ZMAT4: variants seen among roughly 807,000 people sequenced by gnomAD.
The protein encoded by ZMAT4 is zinc finger matrin-type protein 4.
Under a neutral mutation model 28.7 loss-of-function variants are expected in ZMAT4, and 17 were observed. That is an observed-to-expected ratio of 0.59 (90% CI 0.41 to 0.89). ZMAT4 has a LOEUF of 0.89. Ranked by LOEUF, ZMAT4 falls within the 40% of genes least tolerant of loss-of-function variation. The pLI, the probability that ZMAT4 is intolerant of heterozygous loss-of-function variation, is 0.00. For synonymous variants in ZMAT4, 117 were observed against 109.2 expected (o/e 1.07, Z -0.44); for missense variants, 240 against 283.8 (o/e 0.85, Z 1.11).
At chr8:40,786,821 GAA>G in intron 2 of ZMAT4, 1 of 1,061,370 alleles carries the variant, frequency 9.4e-7, no homozygotes, top group Non-Finnish European at 1.3e-6. Context: ...GCTTACAGAA[GAA>G]AATTGGGATT....
chr8:40,711,623 G>A (rs1324774278), intron 3 of ZMAT4, among the ~76,000 whole-genome samples: 2 of 152,114 alleles, frequency 1.3e-5, no homozygotes, highest in African/African-American at 4.8e-5. Flanking sequence ...TAGGTAAATG[G>A]TAAAGAATAA....
intron 2 of ZMAT4, among the ~76,000 whole-genome samples, chr8:40,801,999 C>T (rs551003159): frequency 6.6e-6 from 1 of 152,208 alleles, no homozygotes; most frequent in Admixed American, 6.5e-5. Context: ...TTAAAAGATG[C>T]AGAAAAAACA....
At chr8:40,751,898 G>C (rs1812468788) in intron 3 of ZMAT4, among the ~76,000 whole-genome samples, 1 of 152,128 alleles carries the variant, frequency 6.6e-6, no homozygotes, top group Admixed American at 6.5e-5. Context: ...AACCCCCCCT[G>C]TGCAAAATGC....
At chr8:40,819,141 T>A (rs1815651664) in intron 2 of ZMAT4, among the ~76,000 whole-genome samples, 1 of 152,002 alleles carries the variant, frequency 6.6e-6, no homozygotes, top group African/African-American at 2.4e-5. Context: ...ATATACATGT[T>A]TTGGCATGTC....
At chr8:40,894,513 G>A (rs919333645) in intron 1 of ZMAT4, among the ~76,000 whole-genome samples, 12 of 152,176 alleles carry the variant, frequency 7.9e-5, no homozygotes, top group African/African-American at 1.2e-4. Flanking sequence ...GAAGGGGCAC[G>A]AGCATGGGAA....
intron 1 of ZMAT4, among the ~76,000 whole-genome samples, chr8:40,851,525 T>C (rs1229557481): frequency 6.6e-6 from 1 of 152,212 alleles, no homozygotes; most frequent in African/African-American, 2.4e-5. Flanking sequence ...AGGTAAGATG[T>C]TAACACTGGG....
intron 4 of ZMAT4, chr8:40,697,037 G>A (rs1052599866): frequency 2.1e-6 from 1 of 482,122 alleles, no homozygotes; most frequent in Non-Finnish European, 3.6e-6. Context: ...AAGGAACTAG[G>A]GTGATAGAAT....
intron 3 of ZMAT4, among the ~76,000 whole-genome samples, chr8:40,755,157 GC>G (rs1170601578): frequency 1.1e-4 from 17 of 152,172 alleles, no homozygotes; most frequent in African/African-American, 4.1e-4. Flanking sequence ...TAGCAACAAT[GC>G]AAATGGAAAC....
intron 2 of ZMAT4, among the ~76,000 whole-genome samples, chr8:40,778,768 A>C (rs113054901): frequency 2.8e-4 from 43 of 152,194 alleles, no homozygotes; most frequent in African/African-American, 9.6e-4. Context: ...CTATTTGCTT[A>C]CTCAAAGACC....
intron 6 of ZMAT4, among the ~76,000 whole-genome samples, chr8:40,533,283 A>C (rs2118345363): frequency 6.6e-6 from 1 of 152,332 alleles, no homozygotes; most frequent in Admixed American, 6.5e-5. Context: ...TGGAACTTGA[A>C]CCCTGGAAAA....
intron 2 of ZMAT4, among the ~76,000 whole-genome samples, chr8:40,788,117 A>G (rs1050896485): frequency 6.6e-6 from 1 of 152,216 alleles, no homozygotes; most frequent in African/African-American, 2.4e-5. Context: ...CCAATGGGGA[A>G]ACAAATAGAG....
chr8:40,557,483 A>T (rs1428821579), intron 6 of ZMAT4, among the ~76,000 whole-genome samples: 2 of 152,126 alleles, frequency 1.3e-5, no homozygotes, highest in Non-Finnish European at 2.9e-5. Flanking sequence ...GTCCGTCTTA[A>T]ACATATAAAT....
chr8:40,595,365 T>C (rs934865979), intron 5 of ZMAT4, among the ~76,000 whole-genome samples: 2 of 151,836 alleles, frequency 1.3e-5, no homozygotes, highest in African/African-American at 2.4e-5. Flanking sequence ...CACACACACA[T>C]ATATATATGT....
intron 1 of ZMAT4, among the ~76,000 whole-genome samples, chr8:40,847,202 T>TA (rs199603252): frequency 2.3e-3 from 199 of 86,426 alleles, no homozygotes; most frequent in Middle Eastern, 0.013. Flanking sequence ...AGATTCCATC[T>TA]AAAAAAACAA....
intron 1 of ZMAT4, among the ~76,000 whole-genome samples, chr8:40,826,789 A>T (rs1357022569): frequency 6.6e-6 from 1 of 152,184 alleles, no homozygotes; most frequent in Non-Finnish European, 1.5e-5. Flanking sequence ...ATCAAAATGC[A>T]GCCAAGGATC....
chr8:40,810,899 A>T (rs1388436598), intron 2 of ZMAT4, among the ~76,000 whole-genome samples: 1 of 152,206 alleles, frequency 6.6e-6, no homozygotes, highest in African/African-American at 2.4e-5. Flanking sequence ...AAATGAAATC[A>T]TTTAAAAAGT....
chr8:40,699,089 GTTGGCTTCCTGGC>G (rs1341583817), intron 3 of ZMAT4, among the ~76,000 whole-genome samples: 3 of 152,168 alleles, frequency 2.0e-5, no homozygotes, highest in African/African-American at 7.2e-5. Context: ...AAGGGGCAGG[GTTGGCTTCCTGGC>G]TCCCCTGAGC....
chr8:40,606,414 A>G (rs921080074), intron 5 of ZMAT4, among the ~76,000 whole-genome samples: 1 of 152,186 alleles, frequency 6.6e-6, no homozygotes, highest in African/African-American at 2.4e-5. Flanking sequence ...CTGAAAAAAA[A>G]TGTATCTCCT....
intron 3 of ZMAT4, among the ~76,000 whole-genome samples, chr8:40,767,034 G>A (rs569631412): frequency 6.6e-6 from 1 of 152,250 alleles, no homozygotes; most frequent in African/African-American, 2.4e-5. Context: ...CTGCTGGGAG[G>A]AAGGAATATT....
Sources: allele counts gnomAD v4.1 joint callset (sites outside exome capture counted in the v4.1 genomes callset), GRCh38; gene constraint gnomAD v4.1.1; transcripts MANE v1.5; gene names NCBI Gene and HGNC (gene_info 2026-07-23, HGNC 2026-07-21).